TBC1D1: variants seen among roughly 807,000 people sequenced by gnomAD.
The protein encoded by TBC1D1 is TBC1 domain family member 1.
In TBC1D1, 89 loss-of-function variants were observed where a neutral mutation model predicts 125.6. The observed-to-expected ratio is 0.71, with a 90% CI of 0.60 to 0.85. The LOEUF (loss-of-function observed/expected upper bound fraction) is 0.85, where lower values mean the gene tolerates loss of function less well. TBC1D1 is among the 40% of genes least tolerant of loss of function. The probability of loss-of-function intolerance (pLI) is 0.00; values close to 1 mark genes in which losing one functional copy is unlikely to be tolerated. For synonymous variants in TBC1D1, 565 were observed against 564.1 expected, an observed-to-expected ratio of 1.00 and a Z score of -0.02; for missense variants, 1,377 against 1,469.2, an observed-to-expected ratio of 0.94 and a Z score of 1.03.
At chr4:38,058,905 A>T (rs1752249437) in intron 12 of TBC1D1, among the ~76,000 whole-genome samples, 1 of 152,214 alleles carries the variant, frequency 6.6e-6, no homozygotes, top group Non-Finnish European at 1.5e-5. Flanking sequence ...GTGTGTCTCT[A>T]ACTAAATATA....
chr4:37,900,373 A>G (rs1715667842), intron 1 of TBC1D1, among the ~76,000 whole-genome samples: 1 of 150,990 alleles, frequency 6.6e-6, no homozygotes, highest in Admixed American at 6.6e-5. Context: ...AGAAAGAGCC[A>G]TGGCCAAGGG....
chr4:38,115,808 G>A lies in TBC1D1; in HGVS notation c.2656G>A (p.Glu886Lys). 6.2e-7 allele frequency: 1 copy of A among 1,614,160 alleles called. No homozygotes were observed. The highest frequency in any genetic ancestry group is 1.3e-5 in the African/African-American group (1 of 75,016). Residue 886 changes from glutamate to lysine, a missense_variant, in exon 16 of 20, where the codon GAA becomes AAA. By Grantham distance (56) the Glu-to-Lys change is moderately conservative. Around this residue, in one of 3 missense-constraint regions of TBC1D1, gnomAD observed 543 missense variants for 613.5 expected, o/e 0.89. Transcript: ENST00000261439. ...GAAGGCCTACTCACTTCTAGACCAGGAAGTGGGATATTGCCAAGGTCTCAG... is the reference window on the plus strand; with the variant it reads ...GAAGGCCTACTCACTTCTAGACCAGAAAGTGGGATATTGCCAAGGTCTCAG...
At chr4:37,973,788 CT>C (rs1480835895) in intron 2 of TBC1D1, among the ~76,000 whole-genome samples, 6 of 152,232 alleles carry the variant, frequency 3.9e-5, no homozygotes, top group Non-Finnish European at 5.9e-5. Flanking sequence ...TGGTCAGTAC[CT>C]TTTAATCATT....
chr4:38,000,276 A>G (rs1046417349), intron 2 of TBC1D1, among the ~76,000 whole-genome samples: 1 of 152,128 alleles, frequency 6.6e-6, no homozygotes, highest in Non-Finnish European at 1.5e-5. Flanking sequence ...TTTGGTTCAC[A>G]TCTTTATTTT....
At chr4:38,001,313 T>G (rs888041009) in intron 2 of TBC1D1, among the ~76,000 whole-genome samples, 8 of 152,150 alleles carry the variant, frequency 5.3e-5, no homozygotes, top group Non-Finnish European at 1.0e-4. Context: ...TTGGGGTGTT[T>G]AGAGCTTCCA....
At chr4:37,909,192 C>A (rs1718007612) in intron 2 of TBC1D1, among the ~76,000 whole-genome samples, 2 of 152,182 alleles carry the variant, frequency 1.3e-5, no homozygotes, top group African/African-American at 4.8e-5. Flanking sequence ...TGTGCCTCCT[C>A]ACCCAGCCTC....
intron 8 of TBC1D1, among the ~76,000 whole-genome samples, chr4:38,038,945 C>CG (rs1188435396): frequency 6.0e-5 from 8 of 133,268 alleles, no homozygotes; most frequent in African/African-American, 1.0e-4. Flanking sequence ...GACTCCCTCT[C>CG]GGGAAAAAAA....
At chr4:38,099,723 T>A (rs1449755430) in intron 14 of TBC1D1, among the ~76,000 whole-genome samples, 1 of 152,220 alleles carries the variant, frequency 6.6e-6, no homozygotes, top group Non-Finnish European at 1.5e-5. Context: ...GTAGGTGGGC[T>A]CCACTGCCAG....
chr4:38,084,270 G>A (rs890181631), intron 12 of TBC1D1, among the ~76,000 whole-genome samples: 3 of 152,194 alleles, frequency 2.0e-5, no homozygotes, highest in African/African-American at 7.2e-5. Context: ...TTTTCCTCTA[G>A]CTAGACTGTC....
chr4:37,997,462 T>C (rs892390061), intron 2 of TBC1D1, among the ~76,000 whole-genome samples: 1 of 152,244 alleles, frequency 6.6e-6, no homozygotes, highest in Admixed American at 6.5e-5. Flanking sequence ...TATCCTAAGA[T>C]GAAGATTTTT....
rs1478370634 is a variant in TBC1D1 at position 38,135,906 on chromosome 4, ATATACGTGTGTGTGTATATGTGTGTG to A, written c.3307-1227_3307-1202del. Among the ~76,000 whole-genome samples, 3 of 148,094 alleles carry A rather than the reference ATATACGTGTGTGTGTATATGTGTGTG, an allele frequency of 2.0e-5. No individual in the cohort carries two copies. In the East Asian group the frequency reaches 5.9e-4, roughly 29 times the overall value. ...TGTGTGTATATATGTGTGTGTGTAT[ATATACGTGTGTGTGTATATGTGTGTG>A]TGTGTGTGTGTGTGTGTGTGTATAT... is the stretch of plus-strand genomic sequence containing the variant. On this transcript the variant is annotated intron_variant, in intron 19 of 19. Coordinates refer to ENST00000261439, the MANE Select transcript of TBC1D1 (RefSeq NM_015173.4).
intron 2 of TBC1D1, among the ~76,000 whole-genome samples, chr4:37,920,186 A>T (rs1375043941): frequency 6.6e-6 from 1 of 152,040 alleles, no homozygotes; most frequent in Non-Finnish European, 1.5e-5. Flanking sequence ...GGGTACAAAA[A>T]CCCAACAAAA....
chr4:38,084,050 G>A (rs963268187), intron 12 of TBC1D1, among the ~76,000 whole-genome samples: 4 of 149,794 alleles, frequency 2.7e-5, no homozygotes, highest in Admixed American at 6.7e-5. Flanking sequence ...CCATTCTCCT[G>A]CCTCAGCCTC....
At chr4:38,066,621 T>C (rs935945894) in intron 12 of TBC1D1, among the ~76,000 whole-genome samples, 2 of 151,974 alleles carry the variant, frequency 1.3e-5, no homozygotes, top group Non-Finnish European at 2.9e-5. Flanking sequence ...GTTGTGCCAC[T>C]GCGCCAGGCC....
At chr4:38,048,941 A>G (rs990231516) in intron 10 of TBC1D1, among the ~76,000 whole-genome samples, 1 of 152,210 alleles carries the variant, frequency 6.6e-6, no homozygotes, top group African/African-American at 2.4e-5. Context: ...ATAAAACAAT[A>G]ACTTATGTTT....
In TBC1D1 at chr4:38,055,517, T is replaced by C. The variant is rs536090918; in HGVS notation, c.2050+1179T>C. ...TGATGCGAATGTTTCCAGGGTAATG[T>C]CACCTCCCATGCTGTGGAAGTCCTT... is the stretch of plus-strand genomic sequence containing the variant. On this transcript the variant is annotated intron_variant, in intron 12 of 19. Transcript: ENST00000261439. 3.9e-5 allele frequency among the ~76,000 whole-genome samples: 6 copies of C among 152,334 alleles called. No homozygotes were observed. The East Asian group carries it at 5.8e-4, about 15-fold the overall frequency.
At chr4:38,013,644 G>A (rs994869567) in intron 2 of TBC1D1, among the ~76,000 whole-genome samples, 1 of 152,160 alleles carries the variant, frequency 6.6e-6, no homozygotes, top group Non-Finnish European at 1.5e-5. Flanking sequence ...ACTGCCGTGC[G>A]GATTCATCTT....
intron 8 of TBC1D1, among the ~76,000 whole-genome samples, chr4:38,042,671 A>G (rs1748622849): frequency 6.6e-6 from 1 of 152,190 alleles, no homozygotes; most frequent in Non-Finnish European, 1.5e-5. Flanking sequence ...ACAGGAGGTA[A>G]CAGTCTGGCC....
intron 12 of TBC1D1, among the ~76,000 whole-genome samples, chr4:38,058,485 C>T (rs1272040389): frequency 6.6e-6 from 1 of 152,096 alleles, no homozygotes; most frequent in Non-Finnish European, 1.5e-5. Flanking sequence ...AGCCTGCAGC[C>T]GCTGGACTCA....
Sources: allele counts gnomAD v4.1 joint callset (sites outside exome capture counted in the v4.1 genomes callset), GRCh38; gene constraint gnomAD v4.1.1; regional missense constraint gnomAD v4.1.1; transcripts MANE v1.5; gene names NCBI Gene and HGNC (gene_info 2026-07-23, HGNC 2026-07-21).